Variants in SKAP1 observed in about 807,000 individuals in gnomAD.
SKAP1 encodes the protein src kinase-associated phosphoprotein 1.
SKAP1 carries 44 observed loss-of-function variants against 58.5 expected under a neutral mutation model. The observed-to-expected ratio is 0.75, with a 90% CI of 0.59 to 0.97. SKAP1 has a LOEUF of 0.97. Among genes scored for constraint, SKAP1 ranks in the 50% least tolerant of loss-of-function variants. SKAP1 has a pLI of 0.00. For missense variants in SKAP1, 390 were observed against 435.2 expected, an observed-to-expected ratio of 0.90 and a Z score of 0.92; for synonymous variants, 127 against 149.7, an observed-to-expected ratio of 0.85 and a Z score of 1.11.
chr17:48,182,557 A>T, intron 7 of SKAP1, 100 bp from the exon 8 acceptor site: 1 of 790,544 alleles, frequency 1.3e-6, no homozygotes, highest in Non-Finnish European at 2.1e-6. Flanking sequence ...TTTCAGAGTC[A>T]AGTTTAAAGC....
chr17:48,391,687 G>A (rs1423863849), intron 2 of SKAP1, among the ~76,000 whole-genome samples: 1 of 151,846 alleles, frequency 6.6e-6, no homozygotes, highest in Non-Finnish European at 1.5e-5. Context: ...AGGAAGAAAT[G>A]AGTTATTAAC....
intron 1 of SKAP1, among the ~76,000 whole-genome samples, chr17:48,409,667 CAAAAAAAAAAA>C (rs35629210): frequency 4.2e-5 from 4 of 94,670 alleles, no homozygotes; most frequent in Non-Finnish European, 6.7e-5. Flanking sequence ...GATCCTGTCT[CAAAAAAAAAAA>C]AAAAAAAAGG....
chr17:48,256,738 A>G (rs960284924), intron 4 of SKAP1, among the ~76,000 whole-genome samples: 10 of 152,130 alleles, frequency 6.6e-5, no homozygotes, highest in Non-Finnish European at 1.5e-4. Flanking sequence ...ATGGGACAGG[A>G]GGCTCTGAGG....
chr17:48,248,502 T>C (rs1011871919), intron 4 of SKAP1, among the ~76,000 whole-genome samples: 22 of 152,082 alleles, frequency 1.4e-4, no homozygotes, highest in Non-Finnish European at 1.5e-5. Context: ...AGGAGGTGGA[T>C]GTTGCAGTGG....
At chr17:48,345,831 C>A in intron 4 of SKAP1, 74 bp downstream of exon 4, 1 of 1,049,898 alleles carries the variant, frequency 9.5e-7, no homozygotes. Flanking sequence ...ACAAAAATGA[C>A]AAAAGGCAAA....
intron 2 of SKAP1, among the ~76,000 whole-genome samples, chr17:48,370,465 G>A (rs934021274): frequency 6.6e-6 from 1 of 151,974 alleles, no homozygotes; most frequent in Non-Finnish European, 1.5e-5. Context: ...ATCACACCTG[G>A]CTAATTATTG....
intron 11 of SKAP1, among the ~76,000 whole-genome samples, chr17:48,150,633 C>G (rs962645722): frequency 6.6e-6 from 1 of 152,044 alleles, no homozygotes; most frequent in African/African-American, 2.4e-5. Flanking sequence ...ATTCTGCAGA[C>G]AAGGAGGTGG....
chr17:48,276,841 T>C (rs1464235320), intron 4 of SKAP1, among the ~76,000 whole-genome samples: 1 of 152,238 alleles, frequency 6.6e-6, no homozygotes, highest in Non-Finnish European at 1.5e-5. Flanking sequence ...GAAGCACAGA[T>C]TGAGCTAGTT....
chr17:48,248,943 C>T (rs530241266), intron 4 of SKAP1: 14 of 152,292 alleles, frequency 9.2e-5, no homozygotes, highest in African/African-American at 3.4e-4. Context: ...AGCCAGTAAT[C>T]CCAGCACTTT....
At chr17:48,306,056 T>C (rs986205415) in intron 4 of SKAP1, among the ~76,000 whole-genome samples, 1 of 152,182 alleles carries the variant, frequency 6.6e-6, no homozygotes, top group Non-Finnish European at 1.5e-5. Context: ...CTTCTAGAAG[T>C]TAAAATTTTC....
intron 4 of SKAP1, among the ~76,000 whole-genome samples, chr17:48,281,442 A>C (rs570472620): frequency 6.6e-6 from 1 of 152,324 alleles, no homozygotes; most frequent in African/African-American, 2.4e-5. Context: ...AGTGCCTGTG[A>C]TGCTCTCCAA....
At chr17:48,274,996 C>A (rs991894319) in intron 4 of SKAP1, among the ~76,000 whole-genome samples, 1 of 152,152 alleles carries the variant, frequency 6.6e-6, no homozygotes, top group African/African-American at 2.4e-5. Flanking sequence ...TCTATCTTTC[C>A]TGTGTCTTAT....
In SKAP1 at chr17:48,315,736, G is replaced by A. The variant is rs190799630; in HGVS notation, c.280+30169C>T. On this transcript the variant is annotated intron_variant, in intron 4 of 12. Coordinates refer to ENST00000336915, the MANE Select transcript of SKAP1 (RefSeq NM_003726.4). Reference sequence around the variant, plus strand: ...GAAACTTTTTGAGCACTGATATGGTGCCACAAGTGGAAACTTCTACTCATA... The same window carrying A: ...GAAACTTTTTGAGCACTGATATGGTACCACAAGTGGAAACTTCTACTCATA... 6.6e-5 allele frequency among the ~76,000 whole-genome samples: 10 copies of A among 152,270 alleles called. No homozygotes were observed. In the East Asian group the frequency reaches 1.7e-3, roughly 26 times the overall value.
the SKAP1 span, among the ~76,000 whole-genome samples, chr17:48,439,882 T>C: frequency 6.6e-6 from 1 of 152,314 alleles, no homozygotes; most frequent in East Asian, 1.9e-4. Flanking sequence ...CCTTTTTTAC[T>C]GCCCTTCATC....
chr17:48,316,299 A>G (rs1598558365), intron 4 of SKAP1, among the ~76,000 whole-genome samples: 1 of 152,154 alleles, frequency 6.6e-6, no homozygotes, highest in Non-Finnish European at 1.5e-5. Context: ...CTCTAGCCAC[A>G]TAAGTTTCTT....
At chr17:48,152,776 C>G (rs564521259) in intron 11 of SKAP1, among the ~76,000 whole-genome samples, 5 of 152,300 alleles carry the variant, frequency 3.3e-5, no homozygotes, top group African/African-American at 9.6e-5. Context: ...AATTAAACTA[C>G]CATCTTTAAC....
chr17:48,216,848 T>C (rs2064946590), intron 4 of SKAP1, among the ~76,000 whole-genome samples: 1 of 152,204 alleles, frequency 6.6e-6, no homozygotes, highest in Non-Finnish European at 1.5e-5. Context: ...TTCTCTAGAA[T>C]GCATGTTCTT....
At chr17:48,375,096 GAC>G in intron 2 of SKAP1, among the ~76,000 whole-genome samples, 1 of 152,124 alleles carries the variant, frequency 6.6e-6, no homozygotes, top group East Asian at 1.9e-4. Context: ...TGTAACAACA[GAC>G]AATAGGCATA....
chr17:48,349,952 C>G (rs1344700981), intron 3 of SKAP1, among the ~76,000 whole-genome samples: 1 of 152,202 alleles, frequency 6.6e-6, no homozygotes, highest in Non-Finnish European at 1.5e-5. Flanking sequence ...TTTTCTGCCA[C>G]AGATTCAACC....
Sources: allele counts gnomAD v4.1 joint callset (sites outside exome capture counted in the v4.1 genomes callset), GRCh38; gene constraint gnomAD v4.1.1; transcripts MANE v1.5; gene names NCBI Gene and HGNC (gene_info 2026-07-23, HGNC 2026-07-21).